The following DNASE1 variants were observed in gnomAD, a reference collection of about 807,000 sequenced individuals.
DNASE1 encodes the protein deoxyribonuclease 1.
DNASE1 carries 40 observed loss-of-function variants against 33.9 expected under a neutral mutation model. That is an observed-to-expected ratio of 1.18 (90% CI 0.92 to 1.54). The LOEUF (loss-of-function observed/expected upper bound fraction) is 1.54. Ranked by LOEUF, DNASE1 falls within the 40% of genes most tolerant of loss-of-function variation. DNASE1 has a pLI of 0.00. For synonymous variants in DNASE1, 216 were observed against 160.0 expected (o/e 1.35, Z -2.64); for missense variants, 518 against 372.6 (o/e 1.39, Z -3.21).
rs115192073 is a variant in DNASE1 at position 3,637,261 on chromosome 16, G to T, written c.-1358-3454G>T. Among the ~76,000 whole-genome samples the T allele has an allele frequency of 4.9e-3, 749 of 152,226 alleles. 7 individuals carry two copies. Among genetic ancestry groups the T allele is most frequent in the African/African-American group, 0.017 (720 of 41,538 alleles). ...GTGTCAGAACTAAAATTTCCTCCTG[G>T]GTCTGTTTTTCCTTCCTTGGGTTTC... On this transcript the variant is annotated intron_variant and NMD_transcript_variant, in intron 1 of 11. Coordinates refer to the DNASE1 transcript ENST00000570769.
chr16:3,657,572 A>G (rs1052552735), intron 7 of DNASE1, 148 bp from the exon 8 acceptor site: 14 of 1,246,424 alleles, frequency 1.1e-5, no homozygotes, highest in Admixed American at 2.0e-5. Flanking sequence ...TGGTTTCCAC[A>G]TTGAGGGGCA....
chr16:3,651,546 T>G (rs961288999), upstream of DNASE1: 1 of 152,298 alleles, frequency 6.6e-6, no homozygotes, highest in Admixed American at 6.5e-5. Flanking sequence ...ACTCCCCTGA[T>G]GTGGGGCTTG....
chr16:3,653,826 A>ACAAAAAAAAAAAAAAAAC (rs2042427361), upstream of DNASE1: 1 of 144,908 alleles, frequency 6.9e-6, no homozygotes, highest in African/African-American at 2.6e-5. Context: ...AAAAAAAAAA[A>ACAAAAAAAAAAAAAAAAC]AAAAAAAAAA....
At chr16:3,632,607 G>T (rs921756992) in intron 1 of DNASE1, among the ~76,000 whole-genome samples, 2 of 144,096 alleles carry the variant, frequency 1.4e-5, no homozygotes, top group Non-Finnish European at 3.1e-5. Context: ...TTTTAAAGAC[G>T]AGAGTTTCAC....
intron 1 of DNASE1, among the ~76,000 whole-genome samples, chr16:3,621,930 A>G (rs914870503): frequency 7.2e-5 from 11 of 152,166 alleles, no homozygotes; most frequent in African/African-American, 2.4e-4. Flanking sequence ...CTTCTAAAGA[A>G]GCCAAATTGG....
At chr16:3,633,629 A>G (rs2041771762) in intron 1 of DNASE1, among the ~76,000 whole-genome samples, 1 of 151,480 alleles carries the variant, frequency 6.6e-6, no homozygotes, top group South Asian at 2.1e-4. Flanking sequence ...AAAAAAAAAA[A>G]GTCTTTGCCC....
At chr16:3,660,097 T>G (rs1258158737), downstream of DNASE1, 1 of 152,162 alleles carries the variant, frequency 6.6e-6, no homozygotes, top group Non-Finnish European at 1.5e-5. Flanking sequence ...AAGGACATTC[T>G]TAATATGCTA....
At chr16:3,623,106 A>G (rs1285013664) in intron 1 of DNASE1, among the ~76,000 whole-genome samples, 1 of 152,144 alleles carries the variant, frequency 6.6e-6, no homozygotes, top group East Asian at 1.9e-4. Flanking sequence ...CTACTCATGC[A>G]GTAACTAAAA....
chr16:3,655,800 C>T, intron 2 of DNASE1, 49 bp from the exon 3 acceptor site: 1 of 1,603,028 alleles, frequency 6.2e-7, no homozygotes, highest in African/African-American at 1.3e-5. Context: ...GCTGTAGGGT[C>T]CCTGGGTGGC....
chr16:3,627,685 G>T (rs573260171), intron 1 of DNASE1, among the ~76,000 whole-genome samples: 30 of 152,232 alleles, frequency 2.0e-4, no homozygotes, highest in African/African-American at 7.0e-4. Flanking sequence ...CCGTTGAATG[G>T]TCTTGGCATC....
chr16:3,663,501 T>C lies in DNASE1; in HGVS notation c.*5548T>C, dbSNP rs1394621043. ...CGTCTCCACAGAGATCAGCTTCTTC[T>C]TGTCAAACTCACGAAGGTGCAGCAG... On this transcript the variant is annotated 3_prime_UTR_variant, in exon 10 of 10. Coordinates refer to the DNASE1 transcript ENST00000407479. The C allele has an allele frequency of 6.2e-7, 1 of 1,614,048 alleles. No homozygotes were observed. Among genetic ancestry groups the C allele is most frequent in the Non-Finnish European group, 8.5e-7 (1 of 1,180,032 alleles).
At chr16:3,659,761 A>AT (rs1666786337), downstream of DNASE1, 1 of 143,216 alleles carries the variant, frequency 7.0e-6, no homozygotes, top group Non-Finnish European at 1.6e-5. Flanking sequence ...AGATAGATAG[A>AT]TAGATAGATA....
downstream of DNASE1, chr16:3,661,753 G>A (rs2043088742): frequency 4.7e-6 from 2 of 428,800 alleles, no homozygotes; most frequent in Non-Finnish European, 8.0e-6. Flanking sequence ...ACGAGGACAT[G>A]GTCACAGGCT....
At chr16:3,663,191 A>T in exon 10 of DNASE1, 1 of 672,748 alleles carries the variant, frequency 1.5e-6, no homozygotes, top group Non-Finnish European at 2.5e-6. Flanking sequence ...CAGCCTCTCA[A>T]GAAGCTGGGC....
At position 3,657,778 on chromosome 16, in the gene DNASE1, T is replaced by TTTAAC; in HGVS notation, c.766_770dup (p.Phe257LeufsTer9). On this transcript the variant is annotated frameshift_variant, in exon 8 of 9. Coordinates refer to ENST00000246949, the MANE Select transcript of DNASE1 (RefSeq NM_005223.4). LOFTEE classifies it low-confidence loss of function (END_TRUNC). ...CGTTGTTCCCGACTCGGCTCTTCCC[T>TTTAAC]TTAACTTCCAGGCTGCCTATGGCCT... 3.7e-6 allele frequency: 6 copies of TTTAAC among 1,614,022 alleles called. No homozygotes were observed. Among genetic ancestry groups the TTTAAC allele is most frequent in the Non-Finnish European group, 5.1e-6 (6 of 1,179,978 alleles).
At chr16:3,623,310 C>G (rs2041388911) in intron 1 of DNASE1, among the ~76,000 whole-genome samples, 1 of 152,078 alleles carries the variant, frequency 6.6e-6, no homozygotes, top group African/African-American at 2.4e-5. Context: ...GAAACCGTAC[C>G]TCTATCTCTC....
chr16:3,634,218 G>A (rs1360317589), intron 1 of DNASE1, among the ~76,000 whole-genome samples: 1 of 150,456 alleles, frequency 6.6e-6, no homozygotes, highest in East Asian at 2.0e-4. Flanking sequence ...TGTCGAGACA[G>A]GGTTTTTTTG....
chr16:3,639,514 G>A (rs1397992766), upstream of DNASE1, among the ~76,000 whole-genome samples: 4 of 152,304 alleles, frequency 2.6e-5, no homozygotes, highest in African/African-American at 4.8e-5. Context: ...CCCAGTCGAC[G>A]TCATCATCTA....
Position 3,646,573 on chromosome 16 carries a change from G to T in DNASE1, c.-86+3537G>T, listed in dbSNP as rs931129135. Among the ~76,000 whole-genome samples, 53 of 152,274 alleles carry T rather than the reference G, an allele frequency of 3.5e-4. 1 individual carries two copies. The highest frequency in any genetic ancestry group is 3.3e-3 in the Admixed American group (51 of 15,284). ...AAACTGGAATGACAAGAAGGCCCCAGCTCTGCAGGCAGAGCGGAAGGCTCA... is the reference window on the plus strand; with the variant it reads ...AAACTGGAATGACAAGAAGGCCCCATCTCTGCAGGCAGAGCGGAAGGCTCA... On this transcript the variant is annotated intron_variant, in intron 1 of 9. Coordinates refer to the DNASE1 transcript ENST00000407479.
Sources: gnomAD v4.1 joint callset for allele counts (sites outside exome capture counted in the v4.1 genomes callset) on GRCh38, gnomAD v4.1.1 for gene constraint, MANE v1.5 for transcripts, NCBI Gene and HGNC (gene_info 2026-07-23, HGNC 2026-07-21) for gene names.